BRD10: variants seen among roughly 807,000 people sequenced by gnomAD.
The protein encoded by BRD10 is uncharacterized bromodomain-containing protein 10.
At chr9:5,927,924 T>G in the BRD10 span, among the ~76,000 whole-genome samples, 1 of 152,202 alleles carries the variant, frequency 6.6e-6, no homozygotes, top group South Asian at 2.1e-4. Flanking sequence ...CTCCCAAATT[T>G]GTACCTCCAG....
the BRD10 span, among the ~76,000 whole-genome samples, chr9:5,905,966 T>C: frequency 6.6e-6 from 1 of 152,214 alleles, no homozygotes; most frequent in Non-Finnish European, 1.5e-5. Flanking sequence ...ATTGCTGTTA[T>C]TAATTTCAAG....
chr9:5,986,158 G>T, the BRD10 span, among the ~76,000 whole-genome samples: 2 of 152,082 alleles, frequency 1.3e-5, no homozygotes, highest in Non-Finnish European at 2.9e-5. Context: ...GGTGTGTGTT[G>T]TTCCCCTCCC....
chr9:5,972,047 T>C, the BRD10 span, among the ~76,000 whole-genome samples: 33 of 152,156 alleles, frequency 2.2e-4, no homozygotes, highest in African/African-American at 6.0e-4. Flanking sequence ...CATGCCAATA[T>C]TGCTGTCAGG....
the BRD10 span, chr9:5,921,134 C>T: frequency 6.2e-7 from 1 of 1,613,928 alleles, no homozygotes. Flanking sequence ...TGAATTACCA[C>T]TTGTTGACAA....
At chr9:5,992,274 T>C in the BRD10 span, among the ~76,000 whole-genome samples, 1 of 152,194 alleles carries the variant, frequency 6.6e-6, no homozygotes, top group Non-Finnish European at 1.5e-5. Flanking sequence ...TATATATCTA[T>C]ATGCGCATAG....
chr9:5,915,968 T>C, the BRD10 span, among the ~76,000 whole-genome samples: 2 of 152,240 alleles, frequency 1.3e-5, no homozygotes, highest in African/African-American at 4.8e-5. Flanking sequence ...TACTTCTTCA[T>C]ACATTTTTAA....
At chr9:5,928,916 T>C in the BRD10 span, 3 of 550,640 alleles carry the variant, frequency 5.4e-6, no homozygotes, top group African/African-American at 1.9e-5. Flanking sequence ...TTGCACACAG[T>C]GGGCAGTCAA....
At chr9:5,948,035 A>G in the BRD10 span, among the ~76,000 whole-genome samples, 4 of 152,274 alleles carry the variant, frequency 2.6e-5, no homozygotes, top group Non-Finnish European at 5.9e-5. Flanking sequence ...AGGTTACAAG[A>G]AGAGTTTTAT....
At chr9:5,954,052 T>C in the BRD10 span, 1 of 1,567,858 alleles carries the variant, frequency 6.4e-7, no homozygotes, top group Non-Finnish European at 8.7e-7. Context: ...TTATGACAGT[T>C]TTCCTCTTCT....
chr9:5,920,756 G>C, the BRD10 span: 2 of 1,613,936 alleles, frequency 1.2e-6, no homozygotes, highest in Non-Finnish European at 1.7e-6. Flanking sequence ...TGTAGGTAAG[G>C]CAACCGTAAC....
the BRD10 span, chr9:5,907,056 A>T: frequency 9.0e-7 from 1 of 1,105,318 alleles, no homozygotes; most frequent in Non-Finnish European, 1.3e-6. Flanking sequence ...AACTCAAGTG[A>T]ATACAATTAT....
chr9:6,007,936 G>C, the BRD10 span: 3 of 1,331,412 alleles, frequency 2.3e-6, no homozygotes, highest in Non-Finnish European at 9.6e-7. Context: ...GCTCGGCTCG[G>C]TGCGCGCGGG....
chr9:6,004,277 A>G, the BRD10 span, among the ~76,000 whole-genome samples: 1 of 152,304 alleles, frequency 6.6e-6, no homozygotes, highest in East Asian at 1.9e-4. Flanking sequence ...TTTTTAAGTA[A>G]CTGTTTCCCT....
the BRD10 span, among the ~76,000 whole-genome samples, chr9:5,901,527 CT>C: frequency 8.5e-3 from 1,282 of 151,110 alleles, 22 homozygotes; most frequent in African/African-American, 0.03. Context: ...TTCTCTTTTT[CT>C]TTTTTTTTGA....
the BRD10 span, among the ~76,000 whole-genome samples, chr9:5,896,392 T>C: frequency 2.6e-5 from 4 of 152,214 alleles, no homozygotes; most frequent in African/African-American, 7.2e-5. Context: ...CTGACCTACA[T>C]AAGTCAGAGT....
chr9:5,950,491 CA>C, the BRD10 span, among the ~76,000 whole-genome samples: 1 of 152,162 alleles, frequency 6.6e-6, no homozygotes, highest in Admixed American at 6.5e-5. Context: ...CATTCAAACC[CA>C]AGTAGGTAGC....
chr9:5,993,312 T>TAAAAAAAAA, the BRD10 span, among the ~76,000 whole-genome samples: 3 of 116,698 alleles, frequency 2.6e-5, no homozygotes, highest in Non-Finnish European at 4.9e-5. Context: ...GAGACTCCAT[T>TAAAAAAAAA]AAAAAAAAAA....
chr9:5,944,395 A>AG, the BRD10 span, among the ~76,000 whole-genome samples: 1 of 152,086 alleles, frequency 6.6e-6, no homozygotes, highest in African/African-American at 2.4e-5. Context: ...TTAAAAAAAA[A>AG]CTTTCAGCAG....
At chr9:6,004,454 C>G in the BRD10 span, among the ~76,000 whole-genome samples, 3 of 152,190 alleles carry the variant, frequency 2.0e-5, no homozygotes, top group African/African-American at 7.2e-5. Flanking sequence ...GTCCAGGGTA[C>G]TAATGCTATT....
Sources: gnomAD v4.1 joint callset for allele counts (sites outside exome capture counted in the v4.1 genomes callset) on GRCh38, gnomAD v4.1.1 for gene constraint, MANE v1.5 for transcripts, NCBI Gene and HGNC (gene_info 2026-07-23, HGNC 2026-07-21) for gene names.